Variants in SPTAN1 observed in about 807,000 individuals in gnomAD.
SPTAN1 encodes spectrin alpha chain, non-erythrocytic 1.
A neutral mutation model predicts 331.3 loss-of-function variants in SPTAN1; 61 were observed. The ratio of observed to expected loss-of-function variants is 0.18; its 90% CI spans 0.15 to 0.23. SPTAN1 has a LOEUF of 0.23. Ranked by LOEUF, SPTAN1 falls within the 10% of genes least tolerant of loss-of-function variation. The pLI is 1.00. For missense variants in SPTAN1, 2,043 were observed against 3,147.9 expected, an observed-to-expected ratio of 0.65 and a Z score of 8.40; for synonymous variants, 1,153 against 1,173.9, an observed-to-expected ratio of 0.98 and a Z score of 0.36.
chr9:128,625,552 G>A lies in SPTAN1; in HGVS notation c.6070-217G>A, dbSNP rs770311257. Among the ~76,000 whole-genome samples, 8 of 152,160 alleles carry A rather than the reference G, an allele frequency of 5.3e-5. No homozygotes were observed. Among genetic ancestry groups the A allele is most frequent in the South Asian group, 2.1e-4 (1 of 4,830 alleles). ...GCAGGGATCCCTGGGGCGGGAGAGC[G>A]GAAGGCTGGGGTCAGGGAGGTGGGA... On this transcript the variant is annotated intron_variant, in intron 47 of 56. Transcript: ENST00000372739. This position sits in a 1 kb window ranked among gnomAD's most constrained non-coding sequence, Gnocchi z 4.1.
intron 1 of SPTAN1, among the ~76,000 whole-genome samples, chr9:128,564,669 A>G (rs561721665): frequency 2.0e-5 from 3 of 152,218 alleles, no homozygotes; most frequent in Non-Finnish European, 2.9e-5. Context: ...TTGCTTTGCA[A>G]ATCTATAGAG....
Position 128,583,876 on chromosome 9 carries a change from C to G in SPTAN1, c.2100C>G (p.His700Gln). 6.2e-7 allele frequency: 1 copy of G among 1,614,214 alleles called. No individual in the cohort carries two copies. Residue 700 changes from histidine (H) to glutamine (Q), a missense_variant, in exon 16 of 57, where the codon CAC becomes CAG. By Grantham distance (24) the His-to-Gln change is conservative. Coordinates refer to ENST00000372739, the MANE Select transcript of SPTAN1 (RefSeq NM_001130438.3). ...TGTGGCTATATGAAGTAGAAGGTCA[C>G]TTGGCTTCGGATGATTACGGCAAAG... ...IELWLYEVEG[H>Q]LASDDYGKDL...
At chr9:128,562,049 A>C (rs1034015358) in intron 1 of SPTAN1, among the ~76,000 whole-genome samples, 43 of 152,162 alleles carry the variant, frequency 2.8e-4, no homozygotes, top group African/African-American at 9.7e-4. Flanking sequence ...CAGGGAGTGG[A>C]GACTTCTGAT....
Position 128,603,593 on chromosome 9 carries a change from A to G in SPTAN1, c.3627+3A>G, listed in dbSNP as rs1453261511. The G allele has an allele frequency of 7.4e-6, 12 of 1,614,088 alleles. No individual in the cohort carries two copies. Among genetic ancestry groups the G allele is most frequent in the Non-Finnish European group, 1.0e-5 (12 of 1,180,028 alleles). On this transcript the variant is annotated splice_donor_region_variant and intron_variant, in intron 28 of 56. Coordinates refer to ENST00000372739, the MANE Select transcript of SPTAN1 (RefSeq NM_001130438.3). ...TGGCCACCTTTAATTCCATCAAGGTAAGAAGCAGTGACCAGCTCCTCTGAT... is the reference window on the plus strand; with the variant it reads ...TGGCCACCTTTAATTCCATCAAGGTGAGAAGCAGTGACCAGCTCCTCTGAT...
chr9:128,626,854 ACC>A, intron 49 of SPTAN1, 167 bp downstream of exon 49: 1 of 791,774 alleles, frequency 1.3e-6, no homozygotes, highest in Non-Finnish European at 2.0e-6. Flanking sequence ...GGTCTCTGTC[ACC>A]CAGGCTTCAG....
chr9:128,570,155 C>T (rs1426133870), intron 3 of SPTAN1, among the ~76,000 whole-genome samples: 1 of 151,664 alleles, frequency 6.6e-6, no homozygotes, highest in Non-Finnish European at 1.5e-5. Flanking sequence ...GAATGAGGCA[C>T]CTCTGTAGTA....
Position 128,627,542 on chromosome 9 carries a change from G to A in SPTAN1, c.6689+44G>A. 2.6e-6 allele frequency: 4 copies of A among 1,509,838 alleles called. No homozygotes were observed. The highest frequency in any genetic ancestry group is 4.9e-5 in the East Asian group (2 of 40,700). 93.5% of individuals were successfully genotyped at this position (1,509,838 alleles called of 1,614,324 possible). A position where few individuals can be genotyped will look rare whatever the true frequency, so the allele number is the denominator to read the frequency against. The stretch of plus-strand genomic sequence containing the variant: ...CGGGGAGCAGCAGCATGTCCCTGCT[G>A]TACTTAAGCCCTGGGGAGCTTCCAG... On this transcript the variant is annotated intron_variant, in intron 50 of 56. Coordinates refer to ENST00000372739, the MANE Select transcript of SPTAN1 (RefSeq NM_001130438.3). The surrounding 1 kb of genome is among the most constrained non-coding windows in gnomAD (Gnocchi z 4.9).
At chr9:128,621,480 A>G (rs991814651) in intron 45 of SPTAN1, among the ~76,000 whole-genome samples, 1 of 152,248 alleles carries the variant, frequency 6.6e-6, no homozygotes, top group African/African-American at 2.4e-5. Flanking sequence ...GCATTAAGCA[A>G]CAGAGACACT....
chr9:128,618,918 A>T lies in SPTAN1; in HGVS notation c.5648A>T (p.Asn1883Ile), dbSNP rs200248814. 6.2e-7 allele frequency: 1 copy of T among 1,614,186 alleles called. No homozygotes were observed. The highest frequency in any genetic ancestry group is 8.5e-7 in the Non-Finnish European group (1 of 1,180,034). Residue 1883 changes from asparagine (N) to isoleucine (I), a missense_variant, in exon 44 of 57, where the codon AAT becomes ATT. Around this residue, in one of 12 missense-constraint regions of SPTAN1, gnomAD observed 323 missense variants for 581.1 expected, o/e 0.56. Coordinates refer to ENST00000372739, the MANE Select transcript of SPTAN1 (RefSeq NM_001130438.3). ...TTGGAATATCAGCAGTTTGTAGCCAATGTGGAAGAGGAAGAAGCCTGGATC... is the reference window on the plus strand; with the variant it reads ...TTGGAATATCAGCAGTTTGTAGCCATTGTGGAAGAGGAAGAAGCCTGGATC... ...ESLEYQQFVA[N>I]VEEEEAWINE...
rs1004407026 is a variant in SPTAN1 at position 128,625,071 on chromosome 9, G to C, written c.5993-32G>C. Reference sequence around the variant, plus strand: ...CTTTCTAATCCATCTCCACTGAGGAGGGCAGTATATTTTCCACACTTCGTT... The same window carrying C: ...CTTTCTAATCCATCTCCACTGAGGACGGCAGTATATTTTCCACACTTCGTT... On this transcript the variant is annotated intron_variant, in intron 46 of 56. Transcript: ENST00000372739. The surrounding 1 kb of genome is among the most constrained non-coding windows in gnomAD (Gnocchi z 4.1). The C allele has an allele frequency of 3.1e-6, 5 of 1,598,976 alleles. No homozygotes were observed. Among genetic ancestry groups the C allele is most frequent in the Non-Finnish European group, 4.3e-6 (5 of 1,166,458 alleles).
chr9:128,554,106 C>T (rs1848407096), intron 1 of SPTAN1, among the ~76,000 whole-genome samples: 1 of 152,102 alleles, frequency 6.6e-6, no homozygotes, highest in African/African-American at 2.4e-5. Flanking sequence ...AAAAGTGCTG[C>T]AGTAAAGGCC....
At chr9:128,594,589 C>T (rs962627481) in intron 24 of SPTAN1, among the ~76,000 whole-genome samples, 2 of 151,726 alleles carry the variant, frequency 1.3e-5, no homozygotes, top group Non-Finnish European at 2.9e-5. Context: ...CGTCACCACG[C>T]CCTGCTAATT....
intron 23 of SPTAN1, chr9:128,593,854 C>T: frequency 2.6e-6 from 1 of 380,254 alleles, no homozygotes; most frequent in South Asian, 2.3e-5. Flanking sequence ...TTGCATGAGC[C>T]CTGTGTTACT....
chr9:128,628,095 A>T, intron 51 of SPTAN1, 153 bp downstream of exon 51: 1 of 966,300 alleles, frequency 1.0e-6, no homozygotes, highest in South Asian at 1.3e-5. Flanking sequence ...CCTGATGAGG[A>T]GTGTGTGCCT....
At chr9:128,621,946 C>T (rs1857919408) in intron 45 of SPTAN1, 1 of 157,048 alleles carries the variant, frequency 6.4e-6, no homozygotes, top group Non-Finnish European at 1.4e-5. Flanking sequence ...ACCTGGAGTG[C>T]CTCAGGACAG....
intron 23 of SPTAN1, 119 bp downstream of exon 23, chr9:128,593,161 T>C: frequency 9.2e-7 from 1 of 1,085,458 alleles, no homozygotes; most frequent in Non-Finnish European, 1.4e-6. Flanking sequence ...TGGGAGGAAC[T>C]GCCTGTCCGT....
chr9:128,633,319 G>A lies in SPTAN1; in HGVS notation c.7419G>A (p.Ser2473=), dbSNP rs375649697. The change falls in exon 57 of 57, where the codon TCG becomes TCA. Residue 2473 remains serine (S), a synonymous_variant. Coordinates refer to ENST00000372739, the MANE Select transcript of SPTAN1 (RefSeq NM_001130438.3). ...TAFDYVEFTR[S]LFVN Reference sequence around the variant, plus strand: ...TCGACTACGTGGAGTTCACCCGCTCGCTTTTCGTGAACTGAGCCACTCCCT... The same window carrying A: ...TCGACTACGTGGAGTTCACCCGCTCACTTTTCGTGAACTGAGCCACTCCCT... 55 of 1,613,844 alleles carry A rather than the reference G, an allele frequency of 3.4e-5. No homozygotes were observed. The highest frequency in any genetic ancestry group is 2.5e-4 in the African/African-American group (19 of 75,042).
intron 38 of SPTAN1, 125 bp from the exon 39 acceptor site, chr9:128,611,984 G>A: frequency 6.2e-7 from 1 of 1,600,674 alleles, no homozygotes; most frequent in Non-Finnish European, 8.5e-7. Flanking sequence ...GATGGGGAAT[G>A]CTAGTGAGAA....
chr9:128,594,804 C>CTTTTTTTTTTTTTTTTTTTTTATTTT (rs10594067), intron 24 of SPTAN1, among the ~76,000 whole-genome samples: 4 of 90,560 alleles, frequency 4.4e-5, no homozygotes, highest in South Asian at 4.0e-4. Flanking sequence ...ATGTATGTAG[C>CTTTTTTTTTTTTTTTTTTTTTATTTT]TTTTTTTTTT....
Sources: gnomAD v4.1 joint callset for allele counts (sites outside exome capture counted in the v4.1 genomes callset) on GRCh38, gnomAD v4.1.1 for gene constraint, gnomAD v4.1.1 regional missense constraint, Gnocchi (gnomAD v3.1) non-coding constraint, MANE v1.5 for transcripts, NCBI Gene and HGNC (gene_info 2026-07-23, HGNC 2026-07-21) for gene names.